The following PDE7B variants were observed in gnomAD, a reference collection of about 807,000 sequenced individuals.
PDE7B encodes phosphodiesterase 7B.
A neutral mutation model predicts 56.2 loss-of-function variants in PDE7B; 29 were observed. The ratio of observed to expected loss-of-function variants is 0.52; its 90% CI spans 0.38 to 0.70. The LOEUF (loss-of-function observed/expected upper bound fraction) is 0.70, where lower values mean the gene tolerates loss of function less well. Ranked by LOEUF, PDE7B falls within the 30% of genes least tolerant of loss-of-function variation. The pLI is 0.00. For synonymous variants in PDE7B, 197 were observed against 196.9 expected (o/e 1.00, Z 0.00); for missense variants, 490 against 565.0 (o/e 0.87, Z 1.35).
intron 2 of PDE7B, among the ~76,000 whole-genome samples, chr6:136,060,965 T>C (rs1397856683): frequency 6.6e-6 from 1 of 152,218 alleles, no homozygotes; most frequent in Non-Finnish European, 1.5e-5. Flanking sequence ...TCTGGAACAT[T>C]GTGCCATGCA....
rs1337771476 is a variant in PDE7B at position 136,191,745 on chromosome 6, C to T, written c.1258C>T (p.Gln420Ter). The T allele has an allele frequency of 6.2e-7, 1 of 1,605,406 alleles. No homozygotes were observed. The highest frequency in any genetic ancestry group is 1.7e-5 in the Admixed American group (1 of 58,716). ...KAQWKSLLPRQHRSRGSSGSG... is the reference protein window; with the variant it reads ...KAQWKSLLPR ...CCAGTGGAAGAGCCTGTTGCCCAGG[C>T]AGCACAGAAGCAGGGGCAGCAGTGG... The change falls in exon 13 of 13, where the codon CAG (glutamine) becomes TAG (stop). Residue 420 changes from glutamine (Q) to a stop codon, truncating the protein, a stop_gained. Coordinates refer to ENST00000308191, the MANE Select transcript of PDE7B (RefSeq NM_018945.4). LOFTEE classifies it low-confidence loss of function (END_TRUNC).
intron 2 of PDE7B, among the ~76,000 whole-genome samples, chr6:135,960,513 G>A (rs1369080059): frequency 6.6e-6 from 1 of 152,156 alleles, no homozygotes; most frequent in African/African-American, 2.4e-5. Context: ...AATTGAAATG[G>A]TAGTTTATAT....
chr6:136,177,184 G>A (rs1185889917), intron 9 of PDE7B, among the ~76,000 whole-genome samples: 2 of 151,882 alleles, frequency 1.3e-5, no homozygotes, highest in African/African-American at 2.4e-5. Context: ...AGACTTCCTG[G>A]TGGCACTGTG....
chr6:135,952,045 C>G (rs1215086247), intron 2 of PDE7B, among the ~76,000 whole-genome samples: 2 of 152,128 alleles, frequency 1.3e-5, no homozygotes, highest in African/African-American at 2.4e-5. Flanking sequence ...CTTCATCTCT[C>G]TAGGATTCAA....
intron 1 of PDE7B, among the ~76,000 whole-genome samples, chr6:135,904,404 C>T (rs982386303): frequency 8.5e-5 from 13 of 152,116 alleles, no homozygotes; most frequent in Admixed American, 5.9e-4. Context: ...ACACAGAGCC[C>T]ACTTTGCTTA....
At position 136,007,049 on chromosome 6, in the gene PDE7B, CAT is replaced by C. The variant is rs112112620; in HGVS notation, c.82+59527_82+59528del. ...AGTGTAATATTGGCTGACGGTCTGT[CAT>C]AGATGGTTCTAATTATATTAAGGCA... is the stretch of plus-strand genomic sequence containing the variant. On this transcript the variant is annotated intron_variant, in intron 2 of 12. Coordinates refer to ENST00000308191, the MANE Select transcript of PDE7B (RefSeq NM_018945.4). Among the ~76,000 whole-genome samples the C allele has an allele frequency of 3.0e-3, 452 of 152,252 alleles. 2 individuals are homozygous for C. Among genetic ancestry groups the C allele is most frequent in the African/African-American group, 0.01 (423 of 41,554 alleles).
At chr6:136,060,222 G>T (rs1776813876) in intron 2 of PDE7B, among the ~76,000 whole-genome samples, 1 of 152,070 alleles carries the variant, frequency 6.6e-6, no homozygotes, top group South Asian at 2.1e-4. Flanking sequence ...CTAAATCTAG[G>T]TCATAATCCC....
intron 1 of PDE7B, among the ~76,000 whole-genome samples, chr6:135,869,961 G>C (rs1775342613): frequency 6.6e-6 from 1 of 152,214 alleles, no homozygotes; most frequent in African/African-American, 2.4e-5. Context: ...ACAGGGCGTG[G>C]TGGAAATTGT....
intron 1 of PDE7B, among the ~76,000 whole-genome samples, chr6:135,879,458 C>T (rs1775563900): frequency 6.6e-6 from 1 of 152,062 alleles, no homozygotes; most frequent in African/African-American, 2.4e-5. Context: ...TGTTTATATA[C>T]TGATACTGTA....
At chr6:135,932,338 G>A (rs1774309031) in intron 1 of PDE7B, among the ~76,000 whole-genome samples, 1 of 151,984 alleles carries the variant, frequency 6.6e-6, no homozygotes, top group African/African-American at 2.4e-5. Flanking sequence ...ATAGATAAAT[G>A]CTTGAGGGGA....
At chr6:136,168,448 C>T (rs1015257451) in intron 8 of PDE7B, among the ~76,000 whole-genome samples, 13 of 148,724 alleles carry the variant, frequency 8.7e-5, no homozygotes, top group Non-Finnish European at 1.5e-5. Flanking sequence ...CTTATTTATC[C>T]TTGGATCCCC....
chr6:135,876,204 G>C (rs542402212), intron 1 of PDE7B, among the ~76,000 whole-genome samples: 2 of 152,302 alleles, frequency 1.3e-5, no homozygotes, highest in South Asian at 2.1e-4. Flanking sequence ...TTAGCAGGAA[G>C]GCCTCAGCTG....
chr6:136,146,874 A>G (rs1583907552), intron 3 of PDE7B, among the ~76,000 whole-genome samples: 1 of 152,218 alleles, frequency 6.6e-6, no homozygotes, highest in Admixed American at 6.5e-5. Flanking sequence ...AATGTAATAT[A>G]TAAGAAATAC....
intron 2 of PDE7B, among the ~76,000 whole-genome samples, chr6:136,075,805 A>G (rs1777118703): frequency 6.6e-6 from 1 of 152,180 alleles, no homozygotes; most frequent in South Asian, 2.1e-4. Flanking sequence ...ATGCCTCAAG[A>G]GGAGGTACGG....
chr6:135,924,617 C>CTTTT (rs3037775), intron 1 of PDE7B, among the ~76,000 whole-genome samples: 1,374 of 49,474 alleles, frequency 0.028, 91 homozygotes, highest in African/African-American at 0.11. Context: ...CTCTCTCTCT[C>CTTTT]TTTTTTTTTT....
chr6:136,076,344 T>C (rs1270710562), intron 2 of PDE7B, among the ~76,000 whole-genome samples: 1 of 152,038 alleles, frequency 6.6e-6, no homozygotes, highest in Admixed American at 6.5e-5. Context: ...ATCATGGCAG[T>C]TGTCTGTAAT....
chr6:135,899,328 T>C (rs1454725233), intron 1 of PDE7B, among the ~76,000 whole-genome samples: 3 of 151,896 alleles, frequency 2.0e-5, no homozygotes, highest in African/African-American at 7.2e-5. Context: ...ACCTGGGTAA[T>C]GTCTATACAT....
chr6:135,968,354 T>A (rs1040759413), intron 2 of PDE7B, among the ~76,000 whole-genome samples: 10 of 150,008 alleles, frequency 6.7e-5, no homozygotes, highest in Non-Finnish European at 1.3e-4. Context: ...GAAACTATCA[T>A]CAGAGTGAAC....
At chr6:136,081,964 G>A (rs942757966) in intron 2 of PDE7B, among the ~76,000 whole-genome samples, 81 of 152,292 alleles carry the variant, frequency 5.3e-4, no homozygotes, top group African/African-American at 1.8e-3. Flanking sequence ...CCTGAGCCCT[G>A]TCCCCAAAGT....
Sources: gnomAD v4.1 joint callset for allele counts (sites outside exome capture counted in the v4.1 genomes callset) on GRCh38, gnomAD v4.1.1 for gene constraint, MANE v1.5 for transcripts, NCBI Gene and HGNC (gene_info 2026-07-23, HGNC 2026-07-21) for gene names.